The following KCNQ5 variants were observed in gnomAD, a reference collection of about 807,000 sequenced individuals.
The protein encoded by KCNQ5 is potassium voltage-gated channel subfamily KQT member 5.
A neutral mutation model predicts 98.2 loss-of-function variants in KCNQ5; 30 were observed. The ratio of observed to expected loss-of-function variants is 0.31; its 90% confidence interval spans 0.23 to 0.41. The LOEUF (loss-of-function observed/expected upper bound fraction) is 0.41. Among genes scored for constraint, KCNQ5 ranks in the 10% least tolerant of loss-of-function variants. KCNQ5 has a pLI of 1.00. For missense variants in KCNQ5, 835 were observed against 1,182.5 expected (o/e 0.71, Z 4.31); for synonymous variants, 458 against 449.4 (o/e 1.02, Z -0.24).
At chr6:72,687,628 G>A (rs1464150187) in intron 1 of KCNQ5, among the ~76,000 whole-genome samples, 1 of 152,154 alleles carries the variant, frequency 6.6e-6, no homozygotes, top group Non-Finnish European at 1.5e-5. Flanking sequence ...TGAAGTGCTA[G>A]GCAAATGATG....
chr6:72,950,830 G>A (rs569077865), intron 1 of KCNQ5, among the ~76,000 whole-genome samples: 54 of 152,244 alleles, frequency 3.5e-4, no homozygotes, highest in Non-Finnish European at 6.5e-4. Flanking sequence ...AAATATTGAC[G>A]CTTTTTGCCT....
intron 1 of KCNQ5, among the ~76,000 whole-genome samples, chr6:72,839,409 T>C (rs1776686014): frequency 6.6e-6 from 1 of 152,250 alleles, no homozygotes; most frequent in Admixed American, 6.5e-5. Context: ...GATTGGCATC[T>C]GTTGGTTATT....
At chr6:72,875,521 A>G (rs1312881211) in intron 1 of KCNQ5, among the ~76,000 whole-genome samples, 1 of 152,182 alleles carries the variant, frequency 6.6e-6, no homozygotes, top group Non-Finnish European at 1.5e-5. Flanking sequence ...ACAAATGTCA[A>G]GTTGTCACTG....
At chr6:72,663,228 T>G (rs541846928) in intron 1 of KCNQ5, among the ~76,000 whole-genome samples, 1 of 152,244 alleles carries the variant, frequency 6.6e-6, no homozygotes, top group East Asian at 1.9e-4. Context: ...TGTATACCTA[T>G]GTAACAAACC....
intron 2 of KCNQ5, among the ~76,000 whole-genome samples, chr6:73,020,206 A>C (rs1445495843): frequency 6.6e-6 from 1 of 152,166 alleles, no homozygotes; most frequent in East Asian, 1.9e-4. Flanking sequence ...AGACTGCCCC[A>C]ACTTTCAGAT....
intron 1 of KCNQ5, among the ~76,000 whole-genome samples, chr6:72,740,176 T>C (rs1369622874): frequency 6.6e-6 from 1 of 152,234 alleles, no homozygotes; most frequent in Non-Finnish European, 1.5e-5. Context: ...TGTCATTTTT[T>C]CAACTATCTT....
chr6:72,925,481 A>G (rs1282322711), intron 1 of KCNQ5, among the ~76,000 whole-genome samples: 1 of 152,212 alleles, frequency 6.6e-6, no homozygotes, highest in Non-Finnish European at 1.5e-5. Flanking sequence ...GCATTCAAAT[A>G]TTTCTTAATT....
intron 1 of KCNQ5, among the ~76,000 whole-genome samples, chr6:72,695,884 G>A (rs1400010595): frequency 6.6e-6 from 1 of 152,092 alleles, no homozygotes; most frequent in African/African-American, 2.4e-5. Flanking sequence ...AACATAGCAA[G>A]TCTCTGTCTC....
chr6:73,104,829 G>C (rs557304406), intron 5 of KCNQ5, among the ~76,000 whole-genome samples: 3 of 152,042 alleles, frequency 2.0e-5, no homozygotes, highest in Non-Finnish European at 4.4e-5. Context: ...CCTCATTTTT[G>C]TTCCACTACA....
intron 1 of KCNQ5, among the ~76,000 whole-genome samples, chr6:72,684,093 C>A (rs1467710810): frequency 6.6e-6 from 1 of 152,208 alleles, no homozygotes; most frequent in Non-Finnish European, 1.5e-5. Context: ...ACCTATTATG[C>A]ACATGGCATG....
chr6:73,091,863 G>A (rs1774266858), intron 5 of KCNQ5, among the ~76,000 whole-genome samples: 1 of 152,016 alleles, frequency 6.6e-6, no homozygotes, highest in Non-Finnish European at 1.5e-5. Flanking sequence ...CTAATTCTGT[G>A]AAGAATGATG....
chr6:72,804,190 C>T (rs976868267), intron 1 of KCNQ5, among the ~76,000 whole-genome samples: 1 of 152,070 alleles, frequency 6.6e-6, no homozygotes, highest in African/African-American at 2.4e-5. Flanking sequence ...ATACTCCTTT[C>T]ATTATTTTTA....
Position 72,929,994 on chromosome 6 carries a change from C to T in KCNQ5, c.399-73914C>T, listed in dbSNP as rs552853300. The stretch of plus-strand genomic sequence containing the variant: ...GAAGCTTAGTGTAAGATTTGATGCT[C>T]ATTCCTAGTAACTGGTAACTATTTG... On this transcript the variant is annotated intron_variant, in intron 1 of 13. Coordinates refer to ENST00000370398, the MANE Select transcript of KCNQ5 (RefSeq NM_019842.4). Among the ~76,000 whole-genome samples the T allele has an allele frequency of 2.6e-5, 4 of 152,226 alleles. No homozygotes were observed. In the South Asian group the frequency reaches 8.3e-4, roughly 32 times the overall value.
intron 5 of KCNQ5, among the ~76,000 whole-genome samples, chr6:73,085,806 A>G (rs573168768): frequency 2.0e-4 from 31 of 152,328 alleles, no homozygotes; most frequent in African/African-American, 7.5e-4. Context: ...AGTTAGAGTC[A>G]GTGGTTTAAA....
At chr6:72,640,372 A>G (rs1355572889) in intron 1 of KCNQ5, among the ~76,000 whole-genome samples, 2 of 152,152 alleles carry the variant, frequency 1.3e-5, no homozygotes, top group South Asian at 2.1e-4. Context: ...TTGTAACCAT[A>G]TATAGTCTAT....
intron 1 of KCNQ5, among the ~76,000 whole-genome samples, chr6:72,961,433 C>G (rs1211836121): frequency 6.6e-6 from 1 of 151,606 alleles, no homozygotes; most frequent in Non-Finnish European, 1.5e-5. Context: ...CTGGCTAACA[C>G]GGTGAAACCC....
At chr6:72,787,869 G>C (rs1268459582) in intron 1 of KCNQ5, among the ~76,000 whole-genome samples, 1 of 152,184 alleles carries the variant, frequency 6.6e-6, no homozygotes, top group Non-Finnish European at 1.5e-5. Flanking sequence ...GGGCCAATCT[G>C]TCTCTCTAAC....
intron 1 of KCNQ5, among the ~76,000 whole-genome samples, chr6:72,638,832 C>T (rs770924526): frequency 6.6e-6 from 1 of 152,124 alleles, no homozygotes; most frequent in Non-Finnish European, 1.5e-5. Flanking sequence ...AGCGGCAGTG[C>T]AGCATGACAA....
At chr6:73,170,763 G>A (rs1562218497) in intron 11 of KCNQ5, among the ~76,000 whole-genome samples, 2 of 151,798 alleles carry the variant, frequency 1.3e-5, no homozygotes, top group East Asian at 3.9e-4. Context: ...ACGAAACCCT[G>A]TCTCTACTAA....
Sources: gnomAD v4.1 joint callset for allele counts (sites outside exome capture counted in the v4.1 genomes callset) on GRCh38, gnomAD v4.1.1 for gene constraint, MANE v1.5 for transcripts, NCBI Gene and HGNC (gene_info 2026-07-23, HGNC 2026-07-21) for gene names.